The following DYSF variants were observed in gnomAD, a reference collection of about 807,000 sequenced individuals.
DYSF encodes dysferlin.
In DYSF, 212 loss-of-function variants were observed where a neutral mutation model predicts 274.9. The observed-to-expected ratio is 0.77, with a 90% CI of 0.69 to 0.86. The LOEUF (loss-of-function observed/expected upper bound fraction) is 0.86. Ranked by LOEUF, DYSF falls within the 40% of genes least tolerant of loss-of-function variation. DYSF has a pLI of 0.00. For synonymous variants in DYSF, 1,091 were observed against 1,078.7 expected (o/e 1.01, Z -0.22); for missense variants, 2,666 against 2,783.2 (o/e 0.96, Z 0.95).
At chr2:71,486,611 T>C (rs1010254487) in intron 3 of DYSF, among the ~76,000 whole-genome samples, 1 of 152,154 alleles carries the variant, frequency 6.6e-6, no homozygotes, top group Non-Finnish European at 1.5e-5. Flanking sequence ...AATCCTTTCA[T>C]GCCTCAGGAA....
chr2:71,523,764 C>G (rs1438683842), intron 12 of DYSF, among the ~76,000 whole-genome samples: 4 of 152,104 alleles, frequency 2.6e-5, no homozygotes, highest in African/African-American at 9.7e-5. Context: ...TCAGGCTGGT[C>G]TCAAACTCCT....
At chr2:71,488,793 C>T (rs1412418982) in intron 3 of DYSF, among the ~76,000 whole-genome samples, 1 of 152,148 alleles carries the variant, frequency 6.6e-6, no homozygotes, top group Non-Finnish European at 1.5e-5. Context: ...TTTTAGCGAC[C>T]TGGTGACTCT....
intron 22 of DYSF, among the ~76,000 whole-genome samples, chr2:71,556,284 G>A (rs936644276): frequency 3.3e-5 from 5 of 152,218 alleles, no homozygotes; most frequent in South Asian, 2.1e-4. Flanking sequence ...CTGCAGCAGC[G>A]GCAGCTGCGG....
At chr2:71,594,735 C>T (rs1038037046) in intron 32 of DYSF, among the ~76,000 whole-genome samples, 5 of 152,158 alleles carry the variant, frequency 3.3e-5, no homozygotes, top group Non-Finnish European at 5.9e-5. Context: ...GCCTGGAATG[C>T]CCCCTTTTCC....
At chr2:71,476,813 G>A (rs1426479530) in intron 1 of DYSF, among the ~76,000 whole-genome samples, 4 of 142,586 alleles carry the variant, frequency 2.8e-5, no homozygotes, top group African/African-American at 5.3e-5. Flanking sequence ...GTGACAAACC[G>A]AACTAGCTGC....
chr2:71,541,861 G>GCTGCT (rs775554106), intron 17 of DYSF, among the ~76,000 whole-genome samples: 1 of 151,878 alleles, frequency 6.6e-6, no homozygotes, highest in Non-Finnish European at 1.5e-5. Context: ...CTGACTAGAT[G>GCTGCT]CTGCTCATAG....
intron 22 of DYSF, among the ~76,000 whole-genome samples, chr2:71,559,347 C>T (rs914449433): frequency 6.6e-6 from 1 of 152,228 alleles, no homozygotes; most frequent in East Asian, 1.9e-4. Context: ...CTCCTCTTTT[C>T]TCTGCCCCAG....
chr2:71,514,422 C>A (rs1349346380), intron 7 of DYSF, among the ~76,000 whole-genome samples: 1 of 152,096 alleles, frequency 6.6e-6, no homozygotes, highest in Non-Finnish European at 1.5e-5. Context: ...TATATCTATC[C>A]CCCTGCATAT....
At position 71,556,052 on chromosome 2, in the gene DYSF, G is replaced by A. The variant is rs755236827; in HGVS notation, c.2197G>A (p.Glu733Lys). The A allele has an allele frequency of 7.0e-6, 11 of 1,574,824 alleles. No homozygotes were observed. The South Asian group carries it at 1.2e-4, about 17-fold the overall frequency. Residue 733 changes from glutamate (E) to lysine (K), a missense_variant, in exon 22 of 56, where the codon GAG (glutamate) becomes AAG (lysine). Coordinates refer to ENST00000410020, the MANE Select transcript of DYSF (RefSeq NM_001130987.2). Reference protein sequence around the residue: ...VDSLVAQLTDELIAGCSQPLG... With the variant: ...VDSLVAQLTDKLIAGCSQPLG... Reference sequence around the variant, plus strand: ...CTCGCTGGTGGCTCAGCTGACGGATGAGCTCATCGCAGGCTGCAGGTAGGG... The same window carrying A: ...CTCGCTGGTGGCTCAGCTGACGGATAAGCTCATCGCAGGCTGCAGGTAGGG...
Position 71,574,370 on chromosome 2 carries a change from T to C in DYSF, c.3401T>C (p.Leu1134Pro). 6.2e-7 allele frequency: 1 copy of C among 1,613,410 alleles called. No individual in the cohort carries two copies. The highest frequency in any genetic ancestry group is 8.5e-7 in the Non-Finnish European group (1 of 1,179,484). The change falls in exon 30 of 56, where the codon CTG (leucine) becomes CCG (proline). Residue 1134 changes from leucine (L) to proline (P), a missense_variant and splice_region_variant. Leu to Pro is a moderately conservative substitution (Grantham distance 98). Around this residue, in one of 3 missense-constraint regions of DYSF, gnomAD observed 1,460 missense variants for 1,502.1 expected, o/e 0.97. Transcript: ENST00000410020. ...GCTGTGTTTGCCCTTGAGGGGGCCC[T>C]GGTATGTGGGGCTGCACTTGTCCTG... ...PAAVFALEGA[L>P]GGVMDDKSED... is the part of the protein sequence containing the mutation.
At chr2:71,651,878 G>C (rs2094670010) in intron 42 of DYSF, among the ~76,000 whole-genome samples, 1 of 152,174 alleles carries the variant, frequency 6.6e-6, no homozygotes, top group Non-Finnish European at 1.5e-5. Flanking sequence ...CATCATATCA[G>C]TAGGTAACAT....
intron 36 of DYSF, among the ~76,000 whole-genome samples, chr2:71,610,591 C>T (rs188251885): frequency 6.8e-4 from 103 of 152,306 alleles, no homozygotes; most frequent in African/African-American, 2.3e-3. Context: ...CACACTTGCT[C>T]GTCTCTGTAG....
intron 3 of DYSF, among the ~76,000 whole-genome samples, chr2:71,490,888 C>T (rs564594790): frequency 6.6e-6 from 1 of 152,256 alleles, no homozygotes; most frequent in Admixed American, 6.5e-5. Context: ...CAATGTCTTG[C>T]TCTCGAATGA....
chr2:71,569,989 C>G, intron 27 of DYSF, 55 bp downstream of exon 27: 1 of 1,504,232 alleles, frequency 6.6e-7, no homozygotes. Flanking sequence ...TCTGGAGGCA[C>G]CTGGTGCTCA....
intron 38 of DYSF, 80 bp from the exon 39 acceptor site, chr2:71,612,561 T>A: frequency 6.3e-7 from 1 of 1,585,574 alleles, no homozygotes; most frequent in Admixed American, 1.7e-5. Context: ...CGGTTTATAG[T>A]CATTTTCTGC....
intron 2 of DYSF, among the ~76,000 whole-genome samples, chr2:71,481,257 T>C (rs757589306): frequency 3.3e-5 from 5 of 152,222 alleles, no homozygotes; most frequent in Non-Finnish European, 7.3e-5. Context: ...CCTTTTTCCT[T>C]GCTCAAAGCT....
intron 29 of DYSF, among the ~76,000 whole-genome samples, chr2:71,573,815 C>A (rs547400177): frequency 1.4e-4 from 21 of 152,096 alleles, no homozygotes; most frequent in African/African-American, 4.8e-4. Flanking sequence ...TTTTCTTTTT[C>A]TTTTTTCTTT....
At chr2:71,500,438 A>T (rs970826513) in intron 3 of DYSF, among the ~76,000 whole-genome samples, 1 of 152,074 alleles carries the variant, frequency 6.6e-6, no homozygotes, top group African/African-American at 2.4e-5. Flanking sequence ...GGCCGATAGC[A>T]GGGTTTGGGG....
chr2:71,543,869 A>ATACC (rs2090210689), intron 17 of DYSF, among the ~76,000 whole-genome samples: 2 of 146,566 alleles, frequency 1.4e-5, no homozygotes, highest in Non-Finnish European at 3.0e-5. Flanking sequence ...AGGGAGAGGG[A>ATACC]GACCGTGGGG....
Sources: gnomAD v4.1 joint callset for allele counts (sites outside exome capture counted in the v4.1 genomes callset) on GRCh38, gnomAD v4.1.1 for gene constraint, gnomAD v4.1.1 regional missense constraint, MANE v1.5 for transcripts, NCBI Gene and HGNC (gene_info 2026-07-23, HGNC 2026-07-21) for gene names.